Variants in PVT1 observed in about 807,000 individuals in gnomAD.
PVT1 encodes the protein Pvt1 oncogene.
intron 3 of PVT1, among the ~76,000 whole-genome samples, chr8:127,966,993 G>T (rs1217051998): frequency 6.6e-6 from 1 of 152,144 alleles, no homozygotes; most frequent in Non-Finnish European, 1.5e-5. Context: ...TGAGCCCTAG[G>T]CCCCTTTGCC....
chr8:127,846,980 C>CTTTTTTTTTTTT (rs34437112), intron 2 of PVT1, among the ~76,000 whole-genome samples: 46 of 62,402 alleles, frequency 7.4e-4, no homozygotes, highest in Admixed American at 8.1e-4. Context: ...TGCACATGGC[C>CTTTTTTTTTTTT]TTTTTTTTTT....
At chr8:127,957,958 A>G (rs1361712846) in intron 3 of PVT1, among the ~76,000 whole-genome samples, 1 of 152,206 alleles carries the variant, frequency 6.6e-6, no homozygotes, top group African/African-American at 2.4e-5. Flanking sequence ...GATCTTGGCC[A>G]TGGTTTCTAA....
At chr8:127,886,396 C>A (rs73710050) in intron 2 of PVT1, among the ~76,000 whole-genome samples, 2 of 152,122 alleles carry the variant, frequency 1.3e-5, no homozygotes, top group Non-Finnish European at 2.9e-5. Flanking sequence ...CCCTTCCCAC[C>A]CCCGATATTG....
intron 3 of PVT1, among the ~76,000 whole-genome samples, chr8:127,929,954 A>G (rs1254987755): frequency 2.0e-5 from 3 of 152,188 alleles, no homozygotes; most frequent in Non-Finnish European, 4.4e-5. Flanking sequence ...TGATCTTCCT[A>G]TAGAACATGG....
intron 3 of PVT1, among the ~76,000 whole-genome samples, chr8:127,933,264 G>A (rs975151079): frequency 1.3e-5 from 2 of 152,138 alleles, no homozygotes; most frequent in Non-Finnish European, 2.9e-5. Context: ...TAGTAGAGAT[G>A]GGGTTTCTCC....
At chr8:127,960,749 G>A in intron 3 of PVT1, 1 of 479,774 alleles carries the variant, frequency 2.1e-6, no homozygotes, top group Non-Finnish European at 4.2e-6. Context: ...TCTGTTTTTT[G>A]TGGGGAGAGA....
chr8:127,864,171 C>T (rs540688489), intron 2 of PVT1, among the ~76,000 whole-genome samples: 1 of 151,920 alleles, frequency 6.6e-6, no homozygotes, highest in African/African-American at 2.4e-5. Context: ...GGGGGTGGGG[C>T]AGGAAAGAAA....
intron 4 of PVT1, among the ~76,000 whole-genome samples, chr8:127,993,223 A>G (rs1356620775): frequency 1.3e-5 from 2 of 152,192 alleles, no homozygotes; most frequent in Non-Finnish European, 2.9e-5. Context: ...AATGTGCCCA[A>G]CTTTTTTTCT....
chr8:127,994,105 T>G (rs1817076365), intron 4 of PVT1, among the ~76,000 whole-genome samples: 1 of 152,206 alleles, frequency 6.6e-6, no homozygotes, highest in Non-Finnish European at 1.5e-5. Flanking sequence ...ACATTCTCTG[T>G]ACTCTCTTGT....
intron 2 of PVT1, among the ~76,000 whole-genome samples, chr8:127,818,272 C>T (rs1814689403): frequency 6.6e-6 from 1 of 152,154 alleles, no homozygotes; most frequent in African/African-American, 2.4e-5. Context: ...CAAGATACGC[C>T]TTTCAAAAAC....
At chr8:127,831,147 C>A (rs1397485989) in intron 2 of PVT1, among the ~76,000 whole-genome samples, 176 of 145,332 alleles carry the variant, frequency 1.2e-3, no homozygotes, top group African/African-American at 4.3e-3. Flanking sequence ...CTATCTCTCT[C>A]TCTCTCTCTA....
chr8:127,926,574 G>A (rs1816132786), intron 3 of PVT1, among the ~76,000 whole-genome samples: 1 of 152,100 alleles, frequency 6.6e-6, no homozygotes, highest in Non-Finnish European at 1.5e-5. Flanking sequence ...CATGTTCCAG[G>A]GCATCCTGTG....
intron 2 of PVT1, among the ~76,000 whole-genome samples, chr8:127,841,299 A>T (rs1028923321): frequency 1.3e-5 from 2 of 152,136 alleles, no homozygotes; most frequent in African/African-American, 2.4e-5. Context: ...TTCTTGAGAC[A>T]GTCTTGCTCT....
At chr8:127,816,007 C>A (rs2099594781) in intron 2 of PVT1, among the ~76,000 whole-genome samples, 3 of 152,084 alleles carry the variant, frequency 2.0e-5, no homozygotes, top group Admixed American at 2.0e-4. Flanking sequence ...GCCTGTAGTC[C>A]CAGCTACTCA....
At chr8:127,880,451 G>T (rs929135199) in intron 2 of PVT1, among the ~76,000 whole-genome samples, 1 of 148,416 alleles carries the variant, frequency 6.7e-6, no homozygotes, top group Non-Finnish European at 1.5e-5. Flanking sequence ...CACCACGCCC[G>T]GCTAATTTTT....
At chr8:127,961,959 C>T (rs903855220) in intron 3 of PVT1, among the ~76,000 whole-genome samples, 2 of 152,190 alleles carry the variant, frequency 1.3e-5, no homozygotes, top group African/African-American at 2.4e-5. Context: ...GTTGTGAGGA[C>T]GAAGGAGATA....
intron 3 of PVT1, chr8:127,932,752 T>G (rs1240136565): frequency 8.7e-6 from 2 of 230,762 alleles, no homozygotes; most frequent in African/African-American, 8.5e-5. Context: ...TTTATCTCAA[T>G]AAGCTGATAT....
At chr8:127,993,213 A>T (rs1817063602) in intron 4 of PVT1, among the ~76,000 whole-genome samples, 1 of 152,216 alleles carries the variant, frequency 6.6e-6, no homozygotes. Context: ...TCTAGGGGAA[A>T]ATGTGCCCAA....
At chr8:127,889,815 T>G (rs1161943118) in intron 2 of PVT1, among the ~76,000 whole-genome samples, 1 of 152,164 alleles carries the variant, frequency 6.6e-6, no homozygotes, top group Non-Finnish European at 1.5e-5. Context: ...TCATATCAGA[T>G]GGAGAGGCCA....
Sources: allele counts gnomAD v4.1 joint callset (sites outside exome capture counted in the v4.1 genomes callset), GRCh38; gene constraint gnomAD v4.1.1; transcripts MANE v1.5; gene names NCBI Gene and HGNC (gene_info 2026-07-23, HGNC 2026-07-21).